Variants in CFAP61 observed in about 807,000 individuals in gnomAD.
The protein encoded by CFAP61 is cilia and flagella associated protein 61, also known as cilia- and flagella-associated protein 61.
Under a neutral mutation model 135.6 loss-of-function variants are expected in CFAP61, and 107 were observed. The observed-to-expected ratio is 0.79, with a 90% confidence interval of 0.67 to 0.93. CFAP61 has a LOEUF of 0.93. Ranked by LOEUF, CFAP61 falls within the 40% of genes least tolerant of loss-of-function variation. The probability of loss-of-function intolerance (pLI) is 0.00; values close to 1 mark genes in which losing one functional copy is unlikely to be tolerated. For missense variants in CFAP61, 1,507 were observed against 1,556.2 expected, an observed-to-expected ratio of 0.97 and a Z score of 0.53; for synonymous variants, 575 against 578.5, an observed-to-expected ratio of 0.99 and a Z score of 0.09.
At chr20:20,352,336 T>G (rs2058867727) in intron 26 of CFAP61, among the ~76,000 whole-genome samples, 1 of 152,160 alleles carries the variant, frequency 6.6e-6, no homozygotes, top group African/African-American at 2.4e-5. Flanking sequence ...ACACCCACTA[T>G]CATGAGGACA....
intron 8 of CFAP61, among the ~76,000 whole-genome samples, chr20:20,114,956 A>G (rs2049038422): frequency 6.6e-6 from 1 of 152,144 alleles, no homozygotes; most frequent in South Asian, 2.1e-4. Flanking sequence ...GAATTTTATA[A>G]AATGTTTTTT....
intron 8 of CFAP61, among the ~76,000 whole-genome samples, chr20:20,124,335 T>G (rs1232405706): frequency 1.3e-5 from 2 of 151,798 alleles, no homozygotes; most frequent in African/African-American, 2.4e-5. Flanking sequence ...GAGGGAATGC[T>G]TTCAACTTTT....
chr20:20,058,243 A>G (rs914488293), intron 2 of CFAP61, among the ~76,000 whole-genome samples: 2 of 152,212 alleles, frequency 1.3e-5, no homozygotes, highest in African/African-American at 2.4e-5. Flanking sequence ...TAAAAAATAG[A>G]TATACCAATG....
chr20:20,091,711 T>A, intron 7 of CFAP61, among the ~76,000 whole-genome samples: 1 of 152,174 alleles, frequency 6.6e-6, no homozygotes, highest in East Asian at 1.9e-4. Context: ...GGAGCCTTGC[T>A]CTGTCACCCA....
At chr20:20,266,919 A>G (rs1372190458) in intron 21 of CFAP61, among the ~76,000 whole-genome samples, 10 of 152,232 alleles carry the variant, frequency 6.6e-5, no homozygotes. Context: ...TCTCATACAT[A>G]GAAAGAGTTT....
At chr20:20,065,186 A>T (rs965834970) in intron 2 of CFAP61, among the ~76,000 whole-genome samples, 4 of 152,226 alleles carry the variant, frequency 2.6e-5, no homozygotes, top group Admixed American at 6.5e-5. Context: ...TATGGTATAA[A>T]TGTGAAAAAC....
At position 20,339,513 on chromosome 20, in the gene CFAP61, A is replaced by G. The variant is rs1490931195; in HGVS notation, c.3423-2318A>G. 1.3e-5 allele frequency among the ~76,000 whole-genome samples: 2 copies of G among 152,160 alleles called. 1 individual carries two copies. The highest frequency in any genetic ancestry group is 2.9e-5 in the Non-Finnish European group (2 of 68,022). ...TCTGTCACCTAGGCTGGAGTGCAGT[A>G]GGCTGGAGTGCAGTGGCGTGATCAC... On this transcript the variant is annotated intron_variant, in intron 25 of 26. Coordinates refer to ENST00000245957, the MANE Select transcript of CFAP61 (RefSeq NM_015585.4).
chr20:20,134,889 A>C (rs6035556), intron 8 of CFAP61, among the ~76,000 whole-genome samples: 137,145 of 152,114 alleles, frequency 0.9, 62,638 homozygotes, highest in Middle Eastern at 0.99. Context: ...TCAGTCAGCC[A>C]CAGGTGCCTA....
intron 8 of CFAP61, among the ~76,000 whole-genome samples, chr20:20,110,045 C>T (rs73605578): frequency 0.099 from 14,962 of 151,800 alleles, 1,551 homozygotes; most frequent in East Asian, 0.6. Context: ...TAGCTGGGAT[C>T]GCAGGCATGC....
chr20:20,240,350 A>C (rs772404823), intron 18 of CFAP61, among the ~76,000 whole-genome samples: 2 of 152,178 alleles, frequency 1.3e-5, no homozygotes, highest in African/African-American at 2.4e-5. Context: ...GACAGCCTCA[A>C]GACAGTGTTG....
At chr20:20,081,553 A>G (rs2046436186) in intron 6 of CFAP61, among the ~76,000 whole-genome samples, 1 of 152,180 alleles carries the variant, frequency 6.6e-6, no homozygotes, top group Admixed American at 6.5e-5. Flanking sequence ...AGGGTGCAGG[A>G]GAAAAGATGT....
intron 23 of CFAP61, 62 bp downstream of exon 23, chr20:20,288,998 G>A: frequency 7.4e-7 from 1 of 1,342,426 alleles, no homozygotes; most frequent in Admixed American, 2.0e-5. Flanking sequence ...TCAGCAGTCA[G>A]GCCAGTCCTC....
At chr20:20,309,591 T>C (rs1175380280) in intron 25 of CFAP61, among the ~76,000 whole-genome samples, 3 of 152,184 alleles carry the variant, frequency 2.0e-5, no homozygotes, top group African/African-American at 7.2e-5. Flanking sequence ...TGACTTTCTG[T>C]CAAGTTTCCT....
intron 18 of CFAP61, among the ~76,000 whole-genome samples, chr20:20,241,794 T>C (rs552983855): frequency 6.6e-6 from 1 of 152,296 alleles, no homozygotes; most frequent in South Asian, 2.1e-4. Context: ...ACATTATTAT[T>C]ATTATTATTA....
intron 3 of CFAP61, among the ~76,000 whole-genome samples, chr20:20,072,858 A>T (rs1007486624): frequency 6.6e-6 from 1 of 152,246 alleles, no homozygotes; most frequent in Non-Finnish European, 1.5e-5. Flanking sequence ...TGTTAAAATG[A>T]TATAATTTGA....
chr20:20,296,735 G>T (rs574284488), intron 24 of CFAP61, among the ~76,000 whole-genome samples: 1 of 152,258 alleles, frequency 6.6e-6, no homozygotes. Context: ...TGAAAATGTT[G>T]ATACAAAACA....
chr20:20,122,044 C>T (rs1600777222), intron 8 of CFAP61, among the ~76,000 whole-genome samples: 1 of 151,766 alleles, frequency 6.6e-6, no homozygotes, highest in East Asian at 1.9e-4. Flanking sequence ...TTTGTTGCAC[C>T]CATCACCCAG....
intron 9 of CFAP61, among the ~76,000 whole-genome samples, chr20:20,154,935 A>C (rs2052760694): frequency 6.6e-6 from 1 of 152,156 alleles, no homozygotes; most frequent in African/African-American, 2.4e-5. Context: ...CCAAAAATTC[A>C]TATGGAGCCA....
rs11467125 is a variant in CFAP61 at position 20,175,489 on chromosome 20, T to TTTTTG, written c.1385+6080_1385+6084dup. On this transcript the variant is annotated intron_variant, in intron 13 of 26. Transcript: ENST00000245957. ...GTAGGGGCTTCTGGTTTTTTTTTTG[T>TTTTTG]TTTTGTTTTGTTTTGTTTTGTTTTG... is the stretch of plus-strand genomic sequence containing the variant. 7.3e-3 allele frequency among the ~76,000 whole-genome samples: 1,068 copies of TTTTTG among 145,816 alleles called. 13 individuals are homozygous for TTTTTG. Among genetic ancestry groups the TTTTTG allele is most frequent in the East Asian group, 0.041 (197 of 4,840 alleles).
Sources: gnomAD v4.1 joint callset for allele counts (sites outside exome capture counted in the v4.1 genomes callset) on GRCh38, gnomAD v4.1.1 for gene constraint, MANE v1.5 for transcripts, NCBI Gene and HGNC (gene_info 2026-07-23, HGNC 2026-07-21) for gene names.